Variants in ATP8A2 observed in about 807,000 individuals in gnomAD.
The protein encoded by ATP8A2 is phospholipid-transporting ATPase IB.
A neutral mutation model predicts 165.6 loss-of-function variants in ATP8A2; 100 were observed. The ratio of observed to expected loss-of-function variants is 0.60; its 90% CI spans 0.51 to 0.71. The LOEUF (loss-of-function observed/expected upper bound fraction) is 0.71, where lower values mean the gene tolerates loss of function less well. ATP8A2 is among the 30% of genes least tolerant of loss of function. The probability of loss-of-function intolerance (pLI) is 0.00; values close to 1 mark genes in which losing one functional copy is unlikely to be tolerated. For synonymous variants in ATP8A2, 543 were observed against 548.8 expected (o/e 0.99, Z 0.15); for missense variants, 1,227 against 1,479.5 (o/e 0.83, Z 2.80).
intron 2 of ATP8A2, among the ~76,000 whole-genome samples, chr13:25,502,070 TC>T (rs2036870507): frequency 6.6e-6 from 1 of 152,250 alleles, no homozygotes; most frequent in Non-Finnish European, 1.5e-5. Flanking sequence ...TGGCTTCACT[TC>T]CTAACTCTGT....
intron 19 of ATP8A2, 84 bp from the exon 20 acceptor site, chr13:25,576,985 C>T (rs1457830703): frequency 2.8e-6 from 3 of 1,081,134 alleles, no homozygotes; most frequent in East Asian, 4.8e-5. Context: ...CCCCAGACCC[C>T]CTTTTGTTTT....
chr13:25,643,767 T>C (rs1488112622), intron 24 of ATP8A2, among the ~76,000 whole-genome samples: 5 of 151,498 alleles, frequency 3.3e-5, no homozygotes, highest in African/African-American at 1.2e-4. Context: ...TCCAGATGAA[T>C]TTTAGGATTG....
At chr13:25,635,942 C>A (rs2041356788) in intron 24 of ATP8A2, among the ~76,000 whole-genome samples, 1 of 152,148 alleles carries the variant, frequency 6.6e-6, no homozygotes, top group Non-Finnish European at 1.5e-5. Context: ...AGACAGCGCA[C>A]CCCCTCCTGT....
At chr13:25,648,095 GTCTT>G (rs1381185668) in intron 24 of ATP8A2, among the ~76,000 whole-genome samples, 1 of 151,966 alleles carries the variant, frequency 6.6e-6, no homozygotes, top group Non-Finnish European at 1.5e-5. Flanking sequence ...AATTTTCATA[GTCTT>G]TCTTTATTCT....
At chr13:25,858,192 G>A (rs1952228027) in intron 30 of ATP8A2, among the ~76,000 whole-genome samples, 1 of 152,222 alleles carries the variant, frequency 6.6e-6, no homozygotes, top group East Asian at 1.9e-4. Flanking sequence ...CTTAAGGCCA[G>A]TTCCTGAAAA....
intron 29 of ATP8A2, among the ~76,000 whole-genome samples, chr13:25,837,728 T>C (rs9511935): frequency 0.21 from 32,449 of 152,050 alleles, 3,593 homozygotes; most frequent in Admixed American, 0.25. Flanking sequence ...AAATAAAATG[T>C]GTCTTTAGCT....
At chr13:25,433,738 T>C (rs2034676376) in intron 1 of ATP8A2, among the ~76,000 whole-genome samples, 1 of 152,162 alleles carries the variant, frequency 6.6e-6, no homozygotes, top group Admixed American at 6.5e-5. Flanking sequence ...TAAGTGCCCA[T>C]CAACGGTTGA....
At chr13:25,488,582 CA>C (rs778826864) in intron 2 of ATP8A2, among the ~76,000 whole-genome samples, 22 of 152,048 alleles carry the variant, frequency 1.4e-4, no homozygotes, top group Non-Finnish European at 2.5e-4. Context: ...ATGAAAAATA[CA>C]AAAATTAGCC....
At chr13:25,885,501 A>G (rs1011153899) in intron 33 of ATP8A2, among the ~76,000 whole-genome samples, 1 of 151,978 alleles carries the variant, frequency 6.6e-6, no homozygotes, top group Non-Finnish European at 1.5e-5. Flanking sequence ...CACAGAGGCC[A>G]TCGTAAAGGC....
At chr13:25,799,165 A>G (rs1300970680) in intron 27 of ATP8A2, among the ~76,000 whole-genome samples, 1 of 152,220 alleles carries the variant, frequency 6.6e-6, no homozygotes, top group Non-Finnish European at 1.5e-5. Context: ...AAATGCGATA[A>G]GGCCAGCAGG....
chr13:25,674,847 T>G (rs996493481), intron 24 of ATP8A2, among the ~76,000 whole-genome samples: 1 of 152,236 alleles, frequency 6.6e-6, no homozygotes, highest in African/African-American at 2.4e-5. Context: ...CTTATAGAAT[T>G]AAACCAAATC....
chr13:26,017,231 G>A (rs1956998195), intron 36 of ATP8A2, among the ~76,000 whole-genome samples: 2 of 152,326 alleles, frequency 1.3e-5, no homozygotes, highest in South Asian at 4.1e-4. Flanking sequence ...TGCAGCAGCT[G>A]TGGAGCCAGT....
chr13:25,767,567 T>C (rs1242855664), intron 25 of ATP8A2, among the ~76,000 whole-genome samples: 1 of 152,194 alleles, frequency 6.6e-6, no homozygotes, highest in African/African-American at 2.4e-5. Flanking sequence ...GTTAGACTTT[T>C]CCTATTTAGC....
chr13:25,914,916 G>A (rs1484976729), intron 33 of ATP8A2, among the ~76,000 whole-genome samples: 3 of 152,074 alleles, frequency 2.0e-5, no homozygotes, highest in Non-Finnish European at 2.9e-5. Context: ...CCCCCTTCCC[G>A]ATTTGTTAGG....
intron 30 of ATP8A2, among the ~76,000 whole-genome samples, chr13:25,853,396 A>AAT (rs1555278503): frequency 0.014 from 1,552 of 107,836 alleles, 29 homozygotes; most frequent in East Asian, 0.11. Context: ...ATCTAAAAAA[A>AAT]ATATATATAT....
At chr13:25,613,311 G>C (rs1472000382) in intron 24 of ATP8A2, among the ~76,000 whole-genome samples, 1 of 152,150 alleles carries the variant, frequency 6.6e-6, no homozygotes, top group African/African-American at 2.4e-5. Context: ...GGCTGGGCAT[G>C]GTGGCTCACT....
At chr13:25,655,397 G>C (rs576923341) in intron 24 of ATP8A2, among the ~76,000 whole-genome samples, 1 of 152,270 alleles carries the variant, frequency 6.6e-6, no homozygotes, top group South Asian at 2.1e-4. Flanking sequence ...GACCTCAGGT[G>C]ATCCACCCAC....
chr13:25,435,948 TGTGA>T (rs1359599423), intron 1 of ATP8A2, among the ~76,000 whole-genome samples: 171 of 65,770 alleles, frequency 2.6e-3, no homozygotes, highest in African/African-American at 0.011. Flanking sequence ...TGTGTGTGTG[TGTGA>T]GTGTGTGTGT....
intron 25 of ATP8A2, among the ~76,000 whole-genome samples, chr13:25,751,035 G>A (rs746918247): frequency 7.2e-5 from 11 of 152,252 alleles, no homozygotes; most frequent in Non-Finnish European, 1.5e-4. Flanking sequence ...GTCTTTGGTG[G>A]ACAAAAGCTC....
Sources: gnomAD v4.1 joint callset for allele counts (sites outside exome capture counted in the v4.1 genomes callset) on GRCh38, gnomAD v4.1.1 for gene constraint, MANE v1.5 for transcripts, NCBI Gene and HGNC (gene_info 2026-07-23, HGNC 2026-07-21) for gene names.